XPO6: variants seen among roughly 807,000 people sequenced by gnomAD.
The protein encoded by XPO6 is exportin 6.
A neutral mutation model predicts 130.0 loss-of-function variants in XPO6; 3 were observed. The ratio of observed to expected loss-of-function variants is 0.02; its 90% CI spans 0.01 to 0.06. XPO6 has a LOEUF of 0.06. Ranked by LOEUF, XPO6 falls within the 10% of genes least tolerant of loss-of-function variation. The probability of loss-of-function intolerance (pLI) is 1.00; values close to 1 mark genes in which losing one functional copy is unlikely to be tolerated. For synonymous variants in XPO6, 524 were observed against 548.9 expected (o/e 0.95, Z 0.63); for missense variants, 970 against 1,393.0 (o/e 0.70, Z 4.83).
At chr16:28,136,342 C>T (rs245737) in intron 9 of XPO6, among the ~76,000 whole-genome samples, 4,407 of 152,272 alleles carry the variant, frequency 0.029, 311 homozygotes, top group East Asian at 0.17. Context: ...GCCTCAGCCT[C>T]CCGAGTGGCT....
At chr16:28,171,447 T>A (rs1297700043) in intron 4 of XPO6, among the ~76,000 whole-genome samples, 1 of 130,070 alleles carries the variant, frequency 7.7e-6, no homozygotes, top group Non-Finnish European at 1.6e-5. Context: ...AGCAAGACTC[T>A]GTCTCAAAAA....
At chr16:28,125,455 T>G (rs573482772) in intron 13 of XPO6, among the ~76,000 whole-genome samples, 1 of 152,350 alleles carries the variant, frequency 6.6e-6, no homozygotes, top group East Asian at 1.9e-4. Context: ...GTGCTTTATC[T>G]CATTTAATTC....
At chr16:28,107,845 G>A (rs1250917013) in intron 17 of XPO6, among the ~76,000 whole-genome samples, 168 bp from the exon 18 acceptor site, 1 of 152,136 alleles carries the variant, frequency 6.6e-6, no homozygotes, top group Non-Finnish European at 1.5e-5. Flanking sequence ...CTCTCTTTAT[G>A]TTTTAGTTTT....
At chr16:28,154,156 C>T in intron 7 of XPO6, 1 of 982,958 alleles carries the variant, frequency 1.0e-6, no homozygotes, top group East Asian at 1.2e-4. Flanking sequence ...TCCTTCCTCA[C>T]TCACTTATGT....
In XPO6 at chr16:28,113,015, T is replaced by A. The variant is rs767059077; in HGVS notation, c.2040A>T (p.Leu680Phe). The A allele has an allele frequency of 3.1e-6, 5 of 1,613,982 alleles. No individual in the cohort carries two copies. Among genetic ancestry groups the A allele is most frequent in the Non-Finnish European group, 4.2e-6 (5 of 1,179,978 alleles). Residue 680 changes from leucine (L) to phenylalanine (F), a missense_variant, in exon 16 of 24, where the codon TTA (leucine) becomes TTT (phenylalanine). Around this residue, in one of 4 missense-constraint regions of XPO6, gnomAD observed 936 missense variants for 1,306.8 expected, o/e 0.72. Coordinates refer to ENST00000304658, the MANE Select transcript of XPO6 (RefSeq NM_015171.4). ...QDKLLLSACH[L>F]LVSLATTVRP... ...GCACGGTGGTGGCCAGTGAGACCAG[T>A]AAGTGGCACGCAGATAGCAGCAGCT...
chr16:28,113,056 G>A lies in XPO6; in HGVS notation c.2005-6C>T. 1 of 1,613,064 alleles carries A rather than the reference G, an allele frequency of 6.2e-7. No individual in the cohort carries two copies. Among genetic ancestry groups the A allele is most frequent in the Non-Finnish European group, 8.5e-7 (1 of 1,179,392 alleles). On this transcript the variant is annotated splice_region_variant and splice_polypyrimidine_tract_variant and intron_variant, in intron 15 of 23. Coordinates refer to ENST00000304658, the MANE Select transcript of XPO6 (RefSeq NM_015171.4). The stretch of plus-strand genomic sequence containing the variant: ...AGCAGCAGCTTGTCTTGGACCTGCA[G>A]AGGGAAGAGGGCACGTCAGCTCACC...
chr16:28,135,270 G>A lies in XPO6; in HGVS notation c.1389C>T (p.Phe463=). Residue 463 remains phenylalanine, a synonymous_variant, in exon 10 of 24, where the codon TTC becomes TTT. Transcript: ENST00000304658. ...LLTEVLNRIQ[F]RYNQAQLEEL... ...CCTCCAGCTGGGCTTGGTTGTATCT[G>A]AACTGGATTCGATTCAACACCTCTG... The A allele has an allele frequency of 3.7e-6, 6 of 1,614,046 alleles. No homozygotes were observed. Among genetic ancestry groups the A allele is most frequent in the Middle Eastern group, 1.6e-4 (1 of 6,062 alleles).
At chr16:28,127,609 C>G (rs2042586205) in intron 12 of XPO6, among the ~76,000 whole-genome samples, 1 of 152,072 alleles carries the variant, frequency 6.6e-6, no homozygotes, top group Non-Finnish European at 1.5e-5. Flanking sequence ...ATGGGTGGCA[C>G]CTGCAGAAAG....
At chr16:28,202,667 C>G (rs1489095801) in intron 1 of XPO6, among the ~76,000 whole-genome samples, 1 of 152,094 alleles carries the variant, frequency 6.6e-6, no homozygotes, top group Non-Finnish European at 1.5e-5. Context: ...GAGGCACTAA[C>G]CTGAGAGGAA....
chr16:28,190,322 C>A (rs1338854784), intron 1 of XPO6, among the ~76,000 whole-genome samples: 1 of 151,792 alleles, frequency 6.6e-6, no homozygotes, highest in Non-Finnish European at 1.5e-5. Context: ...CAGGTTCAAG[C>A]AATTCTCGTG....
chr16:28,118,363 A>T (rs2087127173), intron 14 of XPO6, among the ~76,000 whole-genome samples: 1 of 151,806 alleles, frequency 6.6e-6, no homozygotes, highest in African/African-American at 2.4e-5. Flanking sequence ...GTTTTTGTTT[A>T]TCTGTTTGTT....
Position 28,101,397 on chromosome 16 carries a change from A to G in XPO6, c.3276+61T>C. 1 of 1,464,396 alleles carries G rather than the reference A, an allele frequency of 6.8e-7. No homozygotes were observed. The highest frequency in any genetic ancestry group is 9.6e-7 in the Non-Finnish European group (1 of 1,046,640). 90.7% of individuals were successfully genotyped at this position (1,464,396 alleles called of 1,614,324 possible). ...TCAATGTGCCCCCTCCTTGCTGCAC[A>G]GGTGCCAGGCTTGCGTGCCCACTCT... On this transcript the variant is annotated intron_variant, in intron 23 of 23. Coordinates refer to ENST00000304658, the MANE Select transcript of XPO6 (RefSeq NM_015171.4). This position sits in a 1 kb window ranked among gnomAD's most constrained non-coding sequence, Gnocchi z 5.4.
chr16:28,177,818 G>A (rs191672937), intron 2 of XPO6, among the ~76,000 whole-genome samples: 21 of 152,224 alleles, frequency 1.4e-4, no homozygotes, highest in African/African-American at 4.8e-4. Flanking sequence ...TACAAAGATA[G>A]GAAAGGAAAA....
chr16:28,147,588 CA>C lies in XPO6; in HGVS notation c.1225-1386del, dbSNP rs150193339. Among the ~76,000 whole-genome samples the C allele has an allele frequency of 6.6e-4, 100 of 152,208 alleles. 1 individual carries two copies. In the East Asian group the frequency reaches 0.01, roughly 15 times the overall value. On this transcript the variant is annotated intron_variant, in intron 8 of 23. Transcript: ENST00000304658. Reference sequence around the variant, plus strand: ...TCTACCTCATACTTGGCAATACTGACAATATCCACGACATGAAGTGAACCAG... The same window carrying C: ...TCTACCTCATACTTGGCAATACTGACATATCCACGACATGAAGTGAACCAG...
At chr16:28,156,652 GAAATAAAA>G (rs1185468613) in intron 6 of XPO6, 125 bp from the exon 7 acceptor site, 2 of 563,292 alleles carry the variant, frequency 3.6e-6, no homozygotes, top group South Asian at 1.4e-4. Flanking sequence ...AGTTACCTAT[GAAATAAAA>G]AAATAAAATC....
At chr16:28,099,406 A>C (rs895234739) in intron 23 of XPO6, among the ~76,000 whole-genome samples, 1 of 151,882 alleles carries the variant, frequency 6.6e-6, no homozygotes, top group African/African-American at 2.4e-5. Context: ...CTCTTCCAGA[A>C]CTCCATTCAA....
In XPO6 at chr16:28,156,117, T is replaced by C; in HGVS notation, c.1054A>G (p.Asn352Asp). The C allele has an allele frequency of 6.2e-7, 1 of 1,613,446 alleles. No individual in the cohort carries two copies. Among genetic ancestry groups the C allele is most frequent in the Non-Finnish European group, 8.5e-7 (1 of 1,179,552 alleles). The change falls in exon 7 of 24, where the codon AAT becomes GAT. Residue 352 changes from asparagine to aspartate, a missense_variant. By Grantham distance (23) the Asn-to-Asp change is conservative. Around this residue, in one of 4 missense-constraint regions of XPO6, gnomAD observed 936 missense variants for 1,306.8 expected, o/e 0.72. Transcript: ENST00000304658. ...YLLQKITKDN[N>D]AHTVKSRLEE... ...AGCCTGCTCTTCACTGTGTGGGCATTGTTATCCTTGGTGATTTTCTGCAGG... is the reference window on the plus strand; with the variant it reads ...AGCCTGCTCTTCACTGTGTGGGCATCGTTATCCTTGGTGATTTTCTGCAGG...
chr16:28,180,477 T>A lies in XPO6; in HGVS notation c.94+464A>T, dbSNP rs937398167. On this transcript the variant is annotated intron_variant, in intron 2 of 23. Coordinates refer to ENST00000304658, the MANE Select transcript of XPO6 (RefSeq NM_015171.4). ...ATTTCTGGGCACTATTAGGTTCAGA[T>A]CAGACGTCTGCACAGCAAAACATGT... Among the ~76,000 whole-genome samples the A allele has an allele frequency of 4.6e-5, 7 of 152,168 alleles. No homozygotes were observed. In the East Asian group the frequency reaches 1.2e-3, roughly 25 times the overall value.
At position 28,106,219 on chromosome 16, in the gene XPO6, AGAG is replaced by A; in HGVS notation, c.2613-8_2613-6del. 6.2e-7 allele frequency: 1 copy of A among 1,613,870 alleles called. No homozygotes were observed. Among genetic ancestry groups the A allele is most frequent in the Non-Finnish European group, 8.5e-7 (1 of 1,179,888 alleles). On this transcript the variant is annotated splice_region_variant and splice_polypyrimidine_tract_variant and intron_variant, in intron 19 of 23. Coordinates refer to ENST00000304658, the MANE Select transcript of XPO6 (RefSeq NM_015171.4). The surrounding 1 kb of genome is among the most constrained non-coding windows in gnomAD (Gnocchi z 4.2). ...ATGCTCTCGGCTAACTGCTCTCTAC[AGAG>A]GAGAAAGCCACACAGTGAGCAACCA...
Sources: gnomAD v4.1 joint callset for allele counts (sites outside exome capture counted in the v4.1 genomes callset) on GRCh38, gnomAD v4.1.1 for gene constraint, gnomAD v4.1.1 regional missense constraint, Gnocchi (gnomAD v3.1) non-coding constraint, MANE v1.5 for transcripts, NCBI Gene and HGNC (gene_info 2026-07-23, HGNC 2026-07-21) for gene names.